The following EPRS1 variants were observed in gnomAD, a reference collection of about 807,000 sequenced individuals.
The protein encoded by EPRS1 is bifunctional glutamate/proline--tRNA ligase.
Under a neutral mutation model 188.3 loss-of-function variants are expected in EPRS1, and 107 were observed. The ratio of observed to expected loss-of-function variants is 0.57; its 90% CI spans 0.49 to 0.67. EPRS1 has a LOEUF of 0.67. Among genes scored for constraint, EPRS1 ranks in the 30% least tolerant of loss-of-function variants. The pLI is 0.00. For synonymous variants in EPRS1, 596 were observed against 593.1 expected (o/e 1.00, Z -0.07); for missense variants, 1,577 against 1,802.2 (o/e 0.88, Z 2.26).
At chr1:220,011,100 T>C (rs375107787) in intron 12 of EPRS1, 44 bp from the exon 13 acceptor site, 4 of 1,097,162 alleles carry the variant, frequency 3.6e-6, no homozygotes, top group African/African-American at 3.1e-5. Context: ...CGATATCTTA[T>C]AGAGCGCCAT....
At chr1:219,993,403 T>C (rs1324778933) in intron 18 of EPRS1, among the ~76,000 whole-genome samples, 4 of 152,200 alleles carry the variant, frequency 2.6e-5, no homozygotes, top group Middle Eastern at 3.2e-3. Context: ...CAAAAGATGG[T>C]AGACTTGATG....
chr1:219,975,531 G>A (rs1660760274), intron 28 of EPRS1, among the ~76,000 whole-genome samples: 1 of 152,096 alleles, frequency 6.6e-6, no homozygotes, highest in African/African-American at 2.4e-5. Flanking sequence ...CCGCCTCCCA[G>A]GTTCAAGCGA....
rs1171673897 is a variant in EPRS1, at chr1:220,007,231, C to T, written c.1713G>A (p.Trp571Ter). 4 of 1,613,146 alleles carry T rather than the reference C, an allele frequency of 2.5e-6. No homozygotes were observed. The Admixed American group carries it at 6.7e-5, about 27-fold the overall frequency. Residue 571 changes from tryptophan to a stop codon, truncating the protein, a stop_gained, in exon 14 of 32, where the codon TGG becomes TGA. Transcript: ENST00000366923. LOFTEE classifies it high-confidence loss of function. ...GTATTTTTGTAATGTTGAGGTTGCC[C>T]CAATTTATAAATGTAACCATCTCAC... ...SEGEMVTFIN[W>*]GNLNITKIHK...
At chr1:220,002,005 C>T (rs6674466) in intron 16 of EPRS1, among the ~76,000 whole-genome samples, 26,112 of 148,738 alleles carry the variant, frequency 0.18, 3,865 homozygotes, top group East Asian at 0.41. Flanking sequence ...CTCCAGCCTG[C>T]GTGACAGAGT....
At chr1:220,034,188 T>C (rs952102788) in intron 3 of EPRS1, among the ~76,000 whole-genome samples, 1 of 152,186 alleles carries the variant, frequency 6.6e-6, no homozygotes. Context: ...TATATGACAA[T>C]GGTCCCATAA....
chr1:220,005,817 G>GTTTTTTTT lies in EPRS1; in HGVS notation c.1950+281_1950+288dup, dbSNP rs765781858. Among the ~76,000 whole-genome samples, 42 of 119,658 alleles carry GTTTTTTTT rather than the reference G, an allele frequency of 3.5e-4. 1 individual carries two copies. The highest frequency in any genetic ancestry group is 7.8e-4 in the South Asian group (3 of 3,866). 78.5% of individuals were successfully genotyped at this position (119,658 alleles called of 152,430 possible). ...ATAAAATGGAAACATTACTTACATC[G>GTTTTTTTT]TTTTTTTTTTTGTTTTTTTTTTTGT... On this transcript the variant is annotated intron_variant, in intron 15 of 31. Coordinates refer to ENST00000366923, the MANE Select transcript of EPRS1 (RefSeq NM_004446.3).
intron 16 of EPRS1, among the ~76,000 whole-genome samples, chr1:220,004,644 A>G (rs1661423337): frequency 6.6e-6 from 1 of 152,192 alleles, no homozygotes; most frequent in African/African-American, 2.4e-5. Flanking sequence ...TGAGTTTGAA[A>G]TGCTTGAAAG....
rs1295294059 is a variant in EPRS1, at chr1:220,033,557, G to A, written c.333C>T (p.Tyr111=). Reference sequence around the variant, plus strand: ...CTAAACTCAAGGAGTTTCCAACTAAGTATGTTCTCAGAGACAGGCAATGAT... The same window carrying A: ...CTAAACTCAAGGAGTTTCCAACTAAATATGTTCTCAGAGACAGGCAATGAT... ...ELNHCLSLRT[Y]LVGNSLSLAD... The change falls in exon 4 of 32, where the codon TAC becomes TAT. Residue 111 remains tyrosine, a synonymous_variant. Coordinates refer to ENST00000366923, the MANE Select transcript of EPRS1 (RefSeq NM_004446.3). The A allele has an allele frequency of 5.0e-6, 8 of 1,612,262 alleles. No homozygotes were observed. Among genetic ancestry groups the A allele is most frequent in the African/African-American group, 1.3e-5 (1 of 74,864 alleles).
rs751928072 is a variant in EPRS1, at chr1:220,033,637, T to G, written c.253A>C (p.Ser85Arg). ...TCACATGAAGATAATTTTGTAGCAC[T>G]GAACTCCAACCAGTGATCAATCTGT... Reference protein sequence around the residue: ...HTEIDHWLEFSATKLSSCDSF... With the variant: ...HTEIDHWLEFRATKLSSCDSF... Residue 85 changes from serine to arginine, a missense_variant, in exon 4 of 32, where the codon AGT becomes CGT. Coordinates refer to ENST00000366923, the MANE Select transcript of EPRS1 (RefSeq NM_004446.3). 3 of 1,607,250 alleles carry G rather than the reference T, an allele frequency of 1.9e-6. No individual in the cohort carries two copies. The Admixed American group carries it at 5.0e-5, about 27-fold the overall frequency.
rs35656997 is a variant in EPRS1, at chr1:219,970,777, C to CAA, written c.4323+1290_4323+1291dup. Among the ~76,000 whole-genome samples, 349 of 131,352 alleles carry CAA rather than the reference C, an allele frequency of 2.7e-3. 15 individuals are homozygous for CAA. Among genetic ancestry groups the CAA allele is most frequent in the South Asian group, 5.1e-3 (21 of 4,116 alleles). 86.2% of individuals were successfully genotyped at this position (131,352 alleles called of 152,430 possible). ...TGGGCAACAAAGCAAGACCCTGTAC[C>CAA]AAAAAAAAAAAAAAGCAGGAAGTTT... On this transcript the variant is annotated intron_variant, in intron 30 of 31. Coordinates refer to ENST00000366923, the MANE Select transcript of EPRS1 (RefSeq NM_004446.3).
intron 6 of EPRS1, among the ~76,000 whole-genome samples, chr1:220,028,004 T>C (rs1458123458): frequency 6.6e-6 from 1 of 152,114 alleles, no homozygotes; most frequent in Non-Finnish European, 1.5e-5. Flanking sequence ...AAATGTACCA[T>C]AATAATGTAA....
chr1:220,021,355 GT>G (rs925393058), intron 9 of EPRS1, among the ~76,000 whole-genome samples: 13 of 147,164 alleles, frequency 8.8e-5, no homozygotes, highest in African/African-American at 1.7e-4. Context: ...TACCTGGCTA[GT>G]TTTTTTTTTT....
intron 13 of EPRS1, among the ~76,000 whole-genome samples, chr1:220,007,567 C>G (rs1228843946): frequency 6.6e-6 from 1 of 152,186 alleles, no homozygotes; most frequent in East Asian, 1.9e-4. Context: ...ACAATACATA[C>G]TCGGCCTCAA....
In EPRS1 at chr1:220,022,816, G is replaced by A. The variant is rs546399759; in HGVS notation, c.944-298C>T. ...AAAAAGTACAAGGCCTGAAGGCTCCGCTCACCTAGTGTTTCCCTTCCCATC... is the reference window on the plus strand; with the variant it reads ...AAAAAGTACAAGGCCTGAAGGCTCCACTCACCTAGTGTTTCCCTTCCCATC... On this transcript the variant is annotated intron_variant, in intron 8 of 31. Transcript: ENST00000366923. 1.1e-4 allele frequency among the ~76,000 whole-genome samples: 17 copies of A among 152,316 alleles called. No homozygotes were observed. The South Asian group carries it at 2.5e-3, about 22-fold the overall frequency.
intron 16 of EPRS1, among the ~76,000 whole-genome samples, chr1:220,001,552 G>T (rs1661352198): frequency 6.6e-6 from 1 of 152,136 alleles, no homozygotes; most frequent in African/African-American, 2.4e-5. Context: ...GTAGAGCCTG[G>T]TCTTGAACTC....
At chr1:219,995,679 C>G (rs2102573309) in intron 18 of EPRS1, among the ~76,000 whole-genome samples, 1 of 152,272 alleles carries the variant, frequency 6.6e-6, no homozygotes, top group Admixed American at 6.5e-5. Flanking sequence ...ACCGCAATTA[C>G]TTTTGCACTG....
Position 220,024,386 on chromosome 1 carries a change from T to G in EPRS1, c.821A>C (p.Glu274Ala). The stretch of plus-strand genomic sequence containing the variant: ...CTTCTCTGCATACTTCATTATAGTT[T>G]CAAAATGATCCGAAGTATAAGTAAA... The part of the protein sequence containing the change: ...DQFTYTSDHF[E>A]TIMKYAEKLI... The change falls in exon 8 of 32, where the codon GAA becomes GCA. Residue 274 changes from glutamate to alanine, a missense_variant. Glu to Ala is a moderately radical substitution (Grantham distance 107). This residue lies in a region of EPRS1 where 1,278 missense variants were observed against 1,457.4 expected (regional missense o/e 0.88). Coordinates refer to ENST00000366923, the MANE Select transcript of EPRS1 (RefSeq NM_004446.3). 1 of 1,612,600 alleles carries G rather than the reference T, an allele frequency of 6.2e-7. No individual in the cohort carries two copies. The highest frequency in any genetic ancestry group is 8.5e-7 in the Non-Finnish European group (1 of 1,179,144).
intron 5 of EPRS1, among the ~76,000 whole-genome samples, chr1:220,031,358 G>C (rs1662080288): frequency 6.6e-6 from 1 of 152,190 alleles, no homozygotes; most frequent in South Asian, 2.1e-4. Context: ...CCCTGAACTA[G>C]AGAAAGATGA....
intron 12 of EPRS1, among the ~76,000 whole-genome samples, chr1:220,014,122 G>A (rs1418912089): frequency 6.6e-6 from 1 of 152,212 alleles, no homozygotes; most frequent in Non-Finnish European, 1.5e-5. Context: ...GAGGTCAGGA[G>A]TTCGGGACCA....
Sources: allele counts gnomAD v4.1 joint callset (sites outside exome capture counted in the v4.1 genomes callset), GRCh38; gene constraint gnomAD v4.1.1; regional missense constraint gnomAD v4.1.1; transcripts MANE v1.5; gene names NCBI Gene and HGNC (gene_info 2026-07-23, HGNC 2026-07-21).